ALG11: variants seen among roughly 807,000 people sequenced by gnomAD.
The protein encoded by ALG11 is GDP-Man:Man(3)GlcNAc(2)-PP-Dol alpha-1,2-mannosyltransferase.
ALG11 carries 26 observed loss-of-function variants against 38.8 expected under a neutral mutation model. The ratio of observed to expected loss-of-function variants is 0.67; its 90% CI spans 0.49 to 0.93. ALG11 has a LOEUF of 0.93. Ranked by LOEUF, ALG11 falls within the 40% of genes least tolerant of loss-of-function variation. The pLI is 0.00. For missense variants in ALG11, 535 were observed against 578.8 expected (o/e 0.92, Z 0.78); for synonymous variants, 199 against 211.6 (o/e 0.94, Z 0.52).
At position 52,030,741 on chromosome 13, in the gene ALG11, G is replaced by T; in HGVS notation, c.*2151G>T. 1 of 1,614,160 alleles carries T rather than the reference G, an allele frequency of 6.2e-7. No homozygotes were observed. Among genetic ancestry groups the T allele is most frequent in the Non-Finnish European group, 8.5e-7 (1 of 1,180,030 alleles). Reference sequence around the variant, plus strand: ...CTAAAGCCCAGTGCCAAGAAAAGACGCCAGTTTCTCATTAAAGCCCCTGAG... The same window carrying T: ...CTAAAGCCCAGTGCCAAGAAAAGACTCCAGTTTCTCATTAAAGCCCCTGAG... On this transcript the variant is annotated 3_prime_UTR_variant, in exon 4 of 4. Coordinates refer to ENST00000521508, the MANE Select transcript of ALG11 (RefSeq NM_001004127.3).
At position 52,024,607 on chromosome 13, in the gene ALG11, C is replaced by T; in HGVS notation, c.877C>T (p.His293Tyr). ...DVQTFLDIPL[H>Y]EKKMTPGHLL... is the part of the protein sequence containing the mutation. Reference sequence around the variant, plus strand: ...GCAGACATTTCTGGACATTCCCTTACATGAGAAAAAGATGACCCCAGGACA... The same window carrying T: ...GCAGACATTTCTGGACATTCCCTTATATGAGAAAAAGATGACCCCAGGACA... Residue 293 changes from histidine (H) to tyrosine (Y), a missense_variant, in exon 3 of 4, where the codon CAT becomes TAT. By Grantham distance (83) the His-to-Tyr change is moderately conservative. Transcript: ENST00000521508. 1 of 1,613,892 alleles carries T rather than the reference C, an allele frequency of 6.2e-7. No individual in the cohort carries two copies. Among genetic ancestry groups the T allele is most frequent in the Non-Finnish European group, 8.5e-7 (1 of 1,179,850 alleles).
rs1954320924 is a variant in ALG11, at chr13:52,033,079, A to G, written c.*4489A>G. On this transcript the variant is annotated 3_prime_UTR_variant, in exon 4 of 4. Coordinates refer to ENST00000521508, the MANE Select transcript of ALG11 (RefSeq NM_001004127.3). ...TCAAAATTATTTTCATATATCACAG[A>G]TATATCATTGGAAGATATAATTTGC... 6.0e-6 allele frequency: 1 copy of G among 167,122 alleles called. No homozygotes were observed. The highest frequency in any genetic ancestry group is 2.4e-5 in the African/African-American group (1 of 41,460). 10.4% of individuals were successfully genotyped at this position (167,122 alleles called of 1,614,324 possible).
intron 1 of ALG11, among the ~76,000 whole-genome samples, chr13:52,012,665 C>G (rs926956125): frequency 6.6e-6 from 1 of 152,054 alleles, no homozygotes; most frequent in Non-Finnish European, 1.5e-5. Context: ...CTCAATTTAC[C>G]GCGTTTTCTT....
At position 52,031,452 on chromosome 13, in the gene ALG11, G is replaced by A. The variant is rs142445205; in HGVS notation, c.*2862G>A. The A allele has an allele frequency of 7.7e-6, 2 of 261,278 alleles. No individual in the cohort carries two copies. The highest frequency in any genetic ancestry group is 1.8e-4 in the East Asian group (2 of 11,120). The allele number at this position is 261,278 out of a possible 1,614,324, so 16.2% of individuals were successfully genotyped here. A position where few individuals can be genotyped will look rare whatever the true frequency, so the allele number is the denominator to read the frequency against. ...GGTGGGACTGACTGATGCTTTATAG[G>A]TGTGTGTAGGGTGGTAGAGGCCAAG... On this transcript the variant is annotated 3_prime_UTR_variant, in exon 4 of 4. Transcript: ENST00000521508.
At position 52,029,812 on chromosome 13, in the gene ALG11, C is replaced by T; in HGVS notation, c.*1222C>T. 1 of 1,614,190 alleles carries T rather than the reference C, an allele frequency of 6.2e-7. No homozygotes were observed. Among genetic ancestry groups the T allele is most frequent in the Non-Finnish European group, 8.5e-7 (1 of 1,180,040 alleles). ...AGAACAAAGAACTGACACAGAAACT[C>T]CAGGTAGCCTCTGAGAGTGAGGAAG... On this transcript the variant is annotated 3_prime_UTR_variant, in exon 4 of 4. Coordinates refer to ENST00000521508, the MANE Select transcript of ALG11 (RefSeq NM_001004127.3).
intron 3 of ALG11, among the ~76,000 whole-genome samples, 195 bp downstream of exon 3, chr13:52,025,132 C>G (rs1954228526): frequency 6.6e-6 from 1 of 152,292 alleles, no homozygotes; most frequent in African/African-American, 2.4e-5. Flanking sequence ...TGACCAATTC[C>G]TGTGTGTGGG....
Position 52,030,347 on chromosome 13 carries a change from C to T in ALG11, c.*1757C>T, listed in dbSNP as rs1954288830. On this transcript the variant is annotated 3_prime_UTR_variant, in exon 4 of 4. Transcript: ENST00000521508. ...ACAAACTCTGGAAGAGCTAGAAGAG[C>T]TGGGAAAAGAAGATTGTTTTCAAAA... 4.3e-6 allele frequency: 7 copies of T among 1,614,152 alleles called. No homozygotes were observed. Among genetic ancestry groups the T allele is most frequent in the African/African-American group, 2.7e-5 (2 of 75,028 alleles).
At chr13:52,019,390 T>G (rs1441686046) in intron 2 of ALG11, among the ~76,000 whole-genome samples, 7 of 151,724 alleles carry the variant, frequency 4.6e-5, no homozygotes, top group Non-Finnish European at 7.4e-5. Flanking sequence ...TCCGGCTAAT[T>G]TTTTGTATTT....
At chr13:52,019,254 C>T in intron 2 of ALG11, 111 bp downstream of exon 2, 1 of 943,648 alleles carries the variant, frequency 1.1e-6, no homozygotes, top group South Asian at 1.6e-5. Context: ...CAGAGTCTTA[C>T]TCTGTCACCC....
At chr13:52,013,888 C>T (rs986188002) in intron 1 of ALG11, among the ~76,000 whole-genome samples, 2 of 152,064 alleles carry the variant, frequency 1.3e-5, no homozygotes, top group Admixed American at 6.6e-5. Flanking sequence ...GTAATATTTG[C>T]CTATTTTACT....
At chr13:52,026,120 G>A (rs1954238248) in intron 3 of ALG11, among the ~76,000 whole-genome samples, 2 of 152,236 alleles carry the variant, frequency 1.3e-5, no homozygotes, top group African/African-American at 4.8e-5. Context: ...CTATGCTAAG[G>A]AAGTGCAGGG....
Position 52,030,112 on chromosome 13 carries a change from G to C in ALG11, c.*1522G>C, listed in dbSNP as rs148269361. The C allele has an allele frequency of 8.4e-5, 135 of 1,614,224 alleles. No individual in the cohort carries two copies. The highest frequency in any genetic ancestry group is 1.1e-4 in the Non-Finnish European group (131 of 1,180,038). Reference sequence around the variant, plus strand: ...TTAGAAAAAGATCTGAGCTCAACCAGGATGCTGAGCCAGCAAGCAGTCAAG... The same window carrying C: ...TTAGAAAAAGATCTGAGCTCAACCACGATGCTGAGCCAGCAAGCAGTCAAG... On this transcript the variant is annotated 3_prime_UTR_variant, in exon 4 of 4. Transcript: ENST00000521508.
chr13:52,015,524 C>G lies in ALG11; in HGVS notation c.44+3062C>G, dbSNP rs73498200. Among the ~76,000 whole-genome samples, 1,020 of 152,234 alleles carry G rather than the reference C, an allele frequency of 6.7e-3. 7 individuals are homozygous for G. Among genetic ancestry groups the G allele is most frequent in the African/African-American group, 0.023 (937 of 41,530 alleles). The stretch of plus-strand genomic sequence containing the variant: ...CAAACCTCAAGTTGAATTTTATCTC[C>G]CAGAATGCCCACATGTTGTGGGAGG... On this transcript the variant is annotated intron_variant, in intron 1 of 3. Transcript: ENST00000521508.
In ALG11 at chr13:52,023,904, C is replaced by T. The variant is rs1224515305; in HGVS notation, c.276-102C>T. The stretch of plus-strand genomic sequence containing the variant: ...CCGCCTCCTGGGTTCAAGCGATTCT[C>T]CTGCCTCAGCCTCCTGAGTAGCTGG... On this transcript the variant is annotated intron_variant, in intron 2 of 3. Coordinates refer to ENST00000521508, the MANE Select transcript of ALG11 (RefSeq NM_001004127.3). 4.9e-6 allele frequency: 5 copies of T among 1,023,972 alleles called. No homozygotes were observed. In the African/African-American group the frequency reaches 6.4e-5, roughly 13 times the overall value. 63.4% of individuals were successfully genotyped at this position (1,023,972 alleles called of 1,614,324 possible).
rs1954295840 is a variant in ALG11 at position 52,030,816 on chromosome 13, A to G, written c.*2226A>G. On this transcript the variant is annotated 3_prime_UTR_variant, in exon 4 of 4. Coordinates refer to ENST00000521508, the MANE Select transcript of ALG11 (RefSeq NM_001004127.3). ...TTGCCAAATGTGATTATCAGTGAGA[A>G]GCGCAACATCCACGCAGCAGCTCAT... is the stretch of plus-strand genomic sequence containing the variant. 29 of 1,614,102 alleles carry G rather than the reference A, an allele frequency of 1.8e-5. No individual in the cohort carries two copies. The East Asian group carries it at 6.2e-4, about 35-fold the overall frequency.
chr13:52,028,254 A>C, intron 3 of ALG11, 65 bp from the exon 4 acceptor site: 2 of 1,593,694 alleles, frequency 1.3e-6, no homozygotes, highest in South Asian at 2.2e-5. Flanking sequence ...ATTTCTATTC[A>C]TCCTCATTCT....
rs368749306 is a variant in ALG11 at position 52,028,474 on chromosome 13, A to T, written c.1363A>T (p.Met455Leu). ...YAETIAHILSMSAEKRLQIRK... is the reference protein window; with the variant it reads ...YAETIAHILSLSAEKRLQIRK... The stretch of plus-strand genomic sequence containing the variant: ...TGAAACTATCGCTCACATTCTTTCC[A>T]TGTCTGCAGAAAAGAGACTCCAAAT... The change falls in exon 4 of 4, where the codon ATG (methionine) becomes TTG (leucine). Residue 455 changes from methionine (M) to leucine (L), a missense_variant. Met to Leu is a conservative substitution (Grantham distance 15). Coordinates refer to ENST00000521508, the MANE Select transcript of ALG11 (RefSeq NM_001004127.3). The T allele has an allele frequency of 1.4e-5, 22 of 1,614,096 alleles. No individual in the cohort carries two copies. Among genetic ancestry groups the T allele is most frequent in the Admixed American group, 3.3e-5 (2 of 60,006 alleles).
Position 52,012,432 on chromosome 13 carries a change from A to G in ALG11, c.14A>G (p.Glu5Gly), listed in dbSNP as rs758156559. Residue 5 changes from glutamate to glycine, a missense_variant, in exon 1 of 4, where the codon GAA becomes GGA. Transcript: ENST00000521508. The stretch of plus-strand genomic sequence containing the variant: ...GGTCGGCGGAAGATGGCGGCCGGCG[A>G]AAGGAGCTGGTGCCTGTGCAAGTTG... MAAG[E>G]RSWCLCKLLR... The G allele has an allele frequency of 6.8e-6, 11 of 1,613,942 alleles. No homozygotes were observed. The highest frequency in any genetic ancestry group is 8.5e-6 in the Non-Finnish European group (10 of 1,180,040).
Position 52,018,956 on chromosome 13 carries a change from A to G in ALG11, c.88A>G (p.Thr30Ala), listed in dbSNP as rs776040018. The change falls in exon 2 of 4, where the codon ACT (threonine) becomes GCT (alanine). Residue 30 changes from threonine (T) to alanine (A), a missense_variant. Transcript: ENST00000521508. Reference protein sequence around the residue: ...LFFPGLIVCGTLCVCLVIVLW... With the variant: ...LFFPGLIVCGALCVCLVIVLW... ...CTTCCCTGGGCTCATTGTATGTGGA[A>G]CTTTATGTGTGTGTTTGGTCATTGT... is the stretch of plus-strand genomic sequence containing the variant. 1.2e-6 allele frequency: 2 copies of G among 1,613,922 alleles called. No individual in the cohort carries two copies. The highest frequency in any genetic ancestry group is 1.7e-6 in the Non-Finnish European group (2 of 1,180,002).
Sources: allele counts gnomAD v4.1 joint callset (sites outside exome capture counted in the v4.1 genomes callset), GRCh38; gene constraint gnomAD v4.1.1; transcripts MANE v1.5; gene names NCBI Gene and HGNC (gene_info 2026-07-23, HGNC 2026-07-21).